HEATR5A: variants seen among roughly 807,000 people sequenced by gnomAD.
HEATR5A encodes the protein HEAT repeat containing 5A, also known as HEAT repeat-containing protein 5A.
Under a neutral mutation model 218.8 loss-of-function variants are expected in HEATR5A, and 178 were observed. The observed-to-expected ratio is 0.81, with a 90% CI of 0.72 to 0.92. The LOEUF is 0.92. Among genes scored for constraint, HEATR5A ranks in the 40% least tolerant of loss-of-function variants. The pLI is 0.00. For missense variants in HEATR5A, 2,420 were observed against 2,418.9 expected (o/e 1.00, Z -0.01); for synonymous variants, 864 against 871.6 (o/e 0.99, Z 0.15).
chr14:31,377,950 G>A (rs1185642879), intron 11 of HEATR5A, among the ~76,000 whole-genome samples: 3 of 152,098 alleles, frequency 2.0e-5, no homozygotes, highest in African/African-American at 4.8e-5. Flanking sequence ...ATGATGTACA[G>A]GAGAAAGGAC....
intron 13 of HEATR5A, chr14:31,371,417 TTTCTC>T (rs1229562022): frequency 6.5e-6 from 1 of 153,092 alleles, no homozygotes; most frequent in Non-Finnish European, 1.5e-5. Context: ...TATACTGGCT[TTTCTC>T]TATATGTTCT....
chr14:31,384,506 A>C (rs1000976289), intron 9 of HEATR5A, among the ~76,000 whole-genome samples: 3 of 146,424 alleles, frequency 2.0e-5, no homozygotes, highest in Non-Finnish European at 4.5e-5. Flanking sequence ...CTTCTAGTAC[A>C]TTTATCTACA....
intron 12 of HEATR5A, among the ~76,000 whole-genome samples, chr14:31,374,301 CAAAAAAA>C: frequency 1.1e-5 from 1 of 92,098 alleles, no homozygotes; most frequent in South Asian, 3.9e-4. Context: ...GACCCTATCT[CAAAAAAA>C]AAAAAAAAAA....
At chr14:31,334,037 C>CAAAAAAAAAAAAAAAAAA (rs58087742) in intron 22 of HEATR5A, among the ~76,000 whole-genome samples, 1 of 87,920 alleles carries the variant, frequency 1.1e-5, no homozygotes, top group Admixed American at 1.6e-4. Flanking sequence ...GACCCTGTCT[C>CAAAAAAAAAAAAAAAAAA]AAAAAAAAAA....
chr14:31,309,297 T>C, intron 28 of HEATR5A, 115 bp from the exon 29 acceptor site: 5 of 1,119,042 alleles, frequency 4.5e-6, no homozygotes. Flanking sequence ...TGTACCCTTT[T>C]TCAGTCAGTT....
At position 31,305,150 on chromosome 14, in the gene HEATR5A, G is replaced by A. The variant is rs748068413; in HGVS notation, c.4994C>T (p.Thr1665Ile). The change falls in exon 32 of 36, where the codon ACT becomes ATT. Residue 1665 changes from threonine to isoleucine, a missense_variant. Coordinates refer to ENST00000543095, the MANE Select transcript of HEATR5A (RefSeq NM_015473.4). ...CTTTCCCTCTCCAAACTCTGGCAGA[G>A]TTTCCTTTTCAGCAGCCCCATCATC... is the stretch of plus-strand genomic sequence containing the variant. ...EVDDGAAEKE[T>I]LPEFGEGKDT... 15 of 1,613,808 alleles carry A rather than the reference G, an allele frequency of 9.3e-6. No homozygotes were observed. Among genetic ancestry groups the A allele is most frequent in the Non-Finnish European group, 9.3e-6 (11 of 1,179,850 alleles).
intron 21 of HEATR5A, among the ~76,000 whole-genome samples, chr14:31,338,036 A>T (rs1052956287): frequency 1.4e-4 from 22 of 152,210 alleles, no homozygotes; most frequent in Non-Finnish European, 2.9e-4. Context: ...GCAATACAGC[A>T]TATTGGTTAA....
intron 6 of HEATR5A, among the ~76,000 whole-genome samples, chr14:31,390,645 T>C (rs1178209506): frequency 6.6e-6 from 1 of 152,168 alleles, no homozygotes; most frequent in Non-Finnish European, 1.5e-5. Context: ...ATAATGGAGC[T>C]GAAAAATTCC....
In HEATR5A at chr14:31,313,069, T is replaced by G. The variant is rs368972436; in HGVS notation, c.4340A>C (p.Tyr1447Ser). The change falls in exon 28 of 36, where the codon TAT (tyrosine) becomes TCT (serine). Residue 1447 changes from tyrosine (Y) to serine (S), a missense_variant. Tyr to Ser is a moderately radical substitution (Grantham distance 144). Transcript: ENST00000543095. ...TCTGCTTAGTGTGCCAAGATCTGCA[T>G]AGACTAAGTCAAGCAGTCCATCTGA... Reference protein sequence around the residue: ...CSSDGLLDLVYADLGTLSRLW... With the variant: ...CSSDGLLDLVSADLGTLSRLW... 1 of 1,613,894 alleles carries G rather than the reference T, an allele frequency of 6.2e-7. No individual in the cohort carries two copies. Among genetic ancestry groups the G allele is most frequent in the Non-Finnish European group, 8.5e-7 (1 of 1,179,782 alleles).
rs781628374 is a variant in HEATR5A at position 31,302,410 on chromosome 14, T to C, written c.5349A>G (p.Leu1783=). ...GQLSSTVAAS[L]QALKGILSSP... Reference sequence around the variant, plus strand: ...AAGATAATATTCCTTTTAGAGCCTGTAGGGAAGCTGCAACTGTCGAAGATA... The same window carrying C: ...AAGATAATATTCCTTTTAGAGCCTGCAGGGAAGCTGCAACTGTCGAAGATA... The change falls in exon 33 of 36, where the codon CTA becomes CTG. Residue 1783 remains leucine (L), a synonymous_variant. Coordinates refer to ENST00000543095, the MANE Select transcript of HEATR5A (RefSeq NM_015473.4). 15 of 1,600,306 alleles carry C rather than the reference T, an allele frequency of 9.4e-6. No homozygotes were observed. The highest frequency in any genetic ancestry group is 8.0e-5 in the African/African-American group (6 of 74,700).
intron 26 of HEATR5A, among the ~76,000 whole-genome samples, chr14:31,316,666 A>T (rs772411017): frequency 6.6e-5 from 10 of 152,196 alleles, no homozygotes; most frequent in Non-Finnish European, 1.2e-4. Flanking sequence ...CATTTACTCA[A>T]GCTATGGTTT....
chr14:31,404,995 CAGA>C (rs1394494308), intron 1 of HEATR5A, among the ~76,000 whole-genome samples: 10 of 130,286 alleles, frequency 7.7e-5, no homozygotes, highest in Non-Finnish European at 1.5e-4. Flanking sequence ...GAGGCCCAGG[CAGA>C]AGAACTGCTG....
chr14:31,341,360 G>C (rs1900834773), intron 21 of HEATR5A, among the ~76,000 whole-genome samples: 1 of 148,390 alleles, frequency 6.7e-6, no homozygotes, highest in Non-Finnish European at 1.5e-5. Flanking sequence ...TTTTTGATTT[G>C]GGAAGGCAAA....
chr14:31,352,365 T>C (rs1487326192), intron 16 of HEATR5A, among the ~76,000 whole-genome samples: 1 of 152,146 alleles, frequency 6.6e-6, no homozygotes, highest in East Asian at 1.9e-4. Flanking sequence ...CAGCATCAGG[T>C]AATTAAACAC....
intron 10 of HEATR5A, among the ~76,000 whole-genome samples, chr14:31,381,806 T>C (rs796985185): frequency 2.0e-5 from 3 of 151,982 alleles, no homozygotes; most frequent in South Asian, 4.1e-4. Context: ...GTCCATGTTA[T>C]AAAACAACAG....
At chr14:31,418,951 T>A (rs779090889) in intron 1 of HEATR5A, among the ~76,000 whole-genome samples, 1 of 152,208 alleles carries the variant, frequency 6.6e-6, no homozygotes, top group Non-Finnish European at 1.5e-5. Context: ...TTTCTGTAGA[T>A]AATATATTCA....
At chr14:31,389,999 T>C (rs887390531) in intron 6 of HEATR5A, among the ~76,000 whole-genome samples, 5 of 152,164 alleles carry the variant, frequency 3.3e-5, no homozygotes, top group Non-Finnish European at 7.4e-5. Flanking sequence ...TTTGTGACTT[T>C]AAATAGGGTA....
chr14:31,408,515 TG>T (rs983692330), intron 1 of HEATR5A, among the ~76,000 whole-genome samples: 4 of 152,070 alleles, frequency 2.6e-5, no homozygotes, highest in African/African-American at 9.7e-5. Flanking sequence ...ACTATTTTAA[TG>T]GAAAAATTGA....
intron 28 of HEATR5A, 29 bp from the exon 29 acceptor site, chr14:31,309,211 G>C (rs190862591): frequency 4.4e-6 from 7 of 1,600,544 alleles, no homozygotes; most frequent in Middle Eastern, 1.7e-4. Context: ...GGAAAAATAA[G>C]AGATTAACTT....
Sources: gnomAD v4.1 joint callset for allele counts (sites outside exome capture counted in the v4.1 genomes callset) on GRCh38, gnomAD v4.1.1 for gene constraint, MANE v1.5 for transcripts, NCBI Gene and HGNC (gene_info 2026-07-23, HGNC 2026-07-21) for gene names.